CHST11: variants seen among roughly 807,000 people sequenced by gnomAD.
CHST11 encodes the protein C4S-1.
Under a neutral mutation model 30.4 loss-of-function variants are expected in CHST11, and 9 were observed. The observed-to-expected ratio is 0.30, with a 90% CI of 0.18 to 0.52. The LOEUF (loss-of-function observed/expected upper bound fraction) is 0.52, where lower values mean the gene tolerates loss of function less well. CHST11 is among the 20% of genes least tolerant of loss of function. CHST11 has a pLI of 0.97. For synonymous variants in CHST11, 152 were observed against 187.8 expected (o/e 0.81, Z 1.56); for missense variants, 348 against 460.6 (o/e 0.76, Z 2.24).
intron 2 of CHST11, among the ~76,000 whole-genome samples, chr12:104,677,859 G>C (rs982099007): frequency 9.2e-5 from 14 of 152,194 alleles, no homozygotes; most frequent in Non-Finnish European, 1.9e-4. Context: ...CTCAGTTGCT[G>C]TTCCAGCCTC....
At chr12:104,637,993 G>T (rs990469728) in intron 2 of CHST11, among the ~76,000 whole-genome samples, 2 of 152,158 alleles carry the variant, frequency 1.3e-5, no homozygotes. Flanking sequence ...CCTCCTCAGT[G>T]CCTAGCACAG....
At chr12:104,566,429 C>T (rs2038567797) in intron 1 of CHST11, among the ~76,000 whole-genome samples, 2 of 152,164 alleles carry the variant, frequency 1.3e-5, no homozygotes, top group Non-Finnish European at 2.9e-5. Context: ...ATTTTAGACT[C>T]ACACAGGAGT....
At chr12:104,606,456 T>A (rs2039006231) in intron 2 of CHST11, among the ~76,000 whole-genome samples, 1 of 152,142 alleles carries the variant, frequency 6.6e-6, no homozygotes, top group Admixed American at 6.5e-5. Context: ...TTTTCACACG[T>A]CTCATGGAAT....
chr12:104,562,968 G>A (rs1407988232), intron 1 of CHST11, among the ~76,000 whole-genome samples: 1 of 152,216 alleles, frequency 6.6e-6, no homozygotes, highest in Non-Finnish European at 1.5e-5. Flanking sequence ...CCCCATCTGT[G>A]AAATGGGTAT....
At chr12:104,545,199 C>A (rs911430550) in intron 1 of CHST11, among the ~76,000 whole-genome samples, 1 of 152,172 alleles carries the variant, frequency 6.6e-6, no homozygotes. Context: ...TTCTTAAATT[C>A]TCTGTCATGT....
At chr12:104,550,705 G>A (rs915232095) in intron 1 of CHST11, among the ~76,000 whole-genome samples, 2 of 152,224 alleles carry the variant, frequency 1.3e-5, no homozygotes, top group African/African-American at 4.8e-5. Context: ...TCAGTGTGCT[G>A]TTTGGCTAAG....
intron 2 of CHST11, among the ~76,000 whole-genome samples, chr12:104,616,256 G>C (rs1023299465): frequency 6.6e-6 from 1 of 151,974 alleles, no homozygotes; most frequent in Non-Finnish European, 1.5e-5. Context: ...CTGTACTTTA[G>C]AAGCAAAAAA....
At chr12:104,618,460 C>G (rs145681377) in intron 2 of CHST11, among the ~76,000 whole-genome samples, 43 of 152,010 alleles carry the variant, frequency 2.8e-4, no homozygotes, top group African/African-American at 9.9e-4. Context: ...GTCTTGAACT[C>G]CTGGGGTCAA....
chr12:104,519,815 G>A (rs2038058849), intron 1 of CHST11, among the ~76,000 whole-genome samples: 1 of 152,174 alleles, frequency 6.6e-6, no homozygotes, highest in South Asian at 2.1e-4. Flanking sequence ...TGCCAAGATG[G>A]GATGATTTCC....
intron 2 of CHST11, among the ~76,000 whole-genome samples, chr12:104,720,267 T>C (rs529557068): frequency 1.3e-5 from 2 of 152,348 alleles, no homozygotes; most frequent in East Asian, 3.9e-4. Context: ...TTATCCTCAA[T>C]CTTATGCAGT....
At chr12:104,464,507 T>G (rs369867395) in intron 1 of CHST11, among the ~76,000 whole-genome samples, 3 of 152,098 alleles carry the variant, frequency 2.0e-5, no homozygotes, top group South Asian at 2.1e-4. Context: ...TTTTTAAAAT[T>G]TATCTTTATT....
At chr12:104,473,665 T>G (rs766500308) in intron 1 of CHST11, among the ~76,000 whole-genome samples, 63 of 152,116 alleles carry the variant, frequency 4.1e-4, no homozygotes, top group Non-Finnish European at 6.8e-4. Flanking sequence ...TAGGCTCCCC[T>G]TCCTGGGCTG....
intron 2 of CHST11, among the ~76,000 whole-genome samples, chr12:104,699,815 C>T (rs1221204398): frequency 2.0e-5 from 3 of 152,220 alleles, no homozygotes; most frequent in Non-Finnish European, 4.4e-5. Context: ...ACTATAGTCA[C>T]TATAGCTTCA....
At chr12:104,590,367 C>T (rs2038846246) in intron 1 of CHST11, among the ~76,000 whole-genome samples, 1 of 152,198 alleles carries the variant, frequency 6.6e-6, no homozygotes, top group African/African-American at 2.4e-5. Context: ...TGACTCTTAT[C>T]AGGAAAGTTT....
intron 1 of CHST11, among the ~76,000 whole-genome samples, chr12:104,517,932 G>A (rs529914295): frequency 6.6e-6 from 1 of 152,268 alleles, no homozygotes; most frequent in South Asian, 2.1e-4. Flanking sequence ...TCCCACTGAG[G>A]ATCGTACTGG....
chr12:104,712,292 G>A (rs1473393099), intron 2 of CHST11, among the ~76,000 whole-genome samples: 2 of 152,066 alleles, frequency 1.3e-5, no homozygotes, highest in African/African-American at 2.4e-5. Flanking sequence ...ACTCAAGTTT[G>A]GAGTGTGCCT....
In CHST11 at chr12:104,731,042, C is replaced by T. The variant is rs767734159; in HGVS notation, c.205-25907C>T. On this transcript the variant is annotated intron_variant, in intron 2 of 2. Coordinates refer to ENST00000303694, the MANE Select transcript of CHST11 (RefSeq NM_018413.6). Reference sequence around the variant, plus strand: ...CTGAACATTTGCTGTCCGTGCTCCACTTACGAGCTGTCTTCCTCAGGCCAG... The same window carrying T: ...CTGAACATTTGCTGTCCGTGCTCCATTTACGAGCTGTCTTCCTCAGGCCAG... Among the ~76,000 whole-genome samples the T allele has an allele frequency of 3.7e-4, 56 of 152,366 alleles. 1 individual carries two copies. Among genetic ancestry groups the T allele is most frequent in the South Asian group, 4.1e-4 (2 of 4,830 alleles).
intron 1 of CHST11, among the ~76,000 whole-genome samples, chr12:104,551,101 T>C (rs1253563562): frequency 2.0e-5 from 3 of 152,230 alleles, no homozygotes; most frequent in Non-Finnish European, 4.4e-5. Flanking sequence ...CTCTGTCATG[T>C]TGAAGTGTGG....
intron 2 of CHST11, among the ~76,000 whole-genome samples, chr12:104,736,293 T>A (rs896702775): frequency 5.9e-5 from 9 of 151,928 alleles, no homozygotes; most frequent in African/African-American, 1.9e-4. Flanking sequence ...GCGTGTGGCA[T>A]GTTCAGTGGA....
Sources: gnomAD v4.1 joint callset for allele counts (sites outside exome capture counted in the v4.1 genomes callset) on GRCh38, gnomAD v4.1.1 for gene constraint, MANE v1.5 for transcripts, NCBI Gene and HGNC (gene_info 2026-07-23, HGNC 2026-07-21) for gene names.